KCTD18: variants seen among roughly 807,000 people sequenced by gnomAD.
KCTD18 encodes BTB/POZ domain-containing protein KCTD18.
KCTD18 carries 22 observed loss-of-function variants against 30.4 expected under a neutral mutation model. The ratio of observed to expected loss-of-function variants is 0.72; its 90% CI spans 0.52 to 1.03. The LOEUF (loss-of-function observed/expected upper bound fraction) is 1.03, where lower values mean the gene tolerates loss of function less well. Among genes scored for constraint, KCTD18 ranks in the 50% least tolerant of loss-of-function variants. The pLI, the probability that KCTD18 is intolerant of heterozygous loss-of-function variation, is 0.00. For synonymous variants in KCTD18, 186 were observed against 209.0 expected, an observed-to-expected ratio of 0.89 and a Z score of 0.95; for missense variants, 529 against 547.6, an observed-to-expected ratio of 0.97 and a Z score of 0.34.
intron 3 of KCTD18, among the ~76,000 whole-genome samples, chr2:200,500,585 G>A (rs963762317): frequency 2.0e-5 from 3 of 150,100 alleles, no homozygotes. Context: ...GGATGTGAAG[G>A]ACCTCTTCAA....
intron 3 of KCTD18, among the ~76,000 whole-genome samples, chr2:200,502,678 A>G (rs1157433666): frequency 1.3e-5 from 2 of 152,182 alleles, no homozygotes; most frequent in Non-Finnish European, 2.9e-5. Flanking sequence ...CAGTCCTCCC[A>G]GAGTTTATAG....
chr2:200,500,298 A>G (rs1474782674), intron 3 of KCTD18, among the ~76,000 whole-genome samples: 2 of 148,884 alleles, frequency 1.3e-5, no homozygotes, highest in East Asian at 2.0e-4. Context: ...AGGCAGGAGA[A>G]GGAAATAAAG....
intron 6 of KCTD18, among the ~76,000 whole-genome samples, chr2:200,492,136 A>G (rs2087929187): frequency 6.6e-6 from 1 of 152,166 alleles, no homozygotes; most frequent in Non-Finnish European, 1.5e-5. Context: ...TTTTCCATCT[A>G]CATCTTCCAC....
intron 3 of KCTD18, among the ~76,000 whole-genome samples, chr2:200,501,271 C>A (rs2088080328): frequency 1.5e-5 from 2 of 131,082 alleles, no homozygotes; most frequent in Non-Finnish European, 1.7e-5. Context: ...CAACAAAAGC[C>A]AAAATTGACA....
Position 200,494,232 on chromosome 2 carries a change from C to T in KCTD18, c.662-958G>A, listed in dbSNP as rs916172648. 3.3e-5 allele frequency among the ~76,000 whole-genome samples: 5 copies of T among 152,140 alleles called. No homozygotes were observed. The East Asian group carries it at 5.8e-4, about 18-fold the overall frequency. On this transcript the variant is annotated intron_variant, in intron 5 of 6. Transcript: ENST00000359878. Reference sequence around the variant, plus strand: ...GGGAGACAGTGGAGTGGGGAGTGACCGCTTAGGGGTTCCTTTTGGGGTGAT... The same window carrying T: ...GGGAGACAGTGGAGTGGGGAGTGACTGCTTAGGGGTTCCTTTTGGGGTGAT...
chr2:200,491,667 C>T (rs114140606), intron 6 of KCTD18, among the ~76,000 whole-genome samples: 209 of 152,188 alleles, frequency 1.4e-3, no homozygotes, highest in African/African-American at 4.5e-3. Flanking sequence ...AAAAAGCCTA[C>T]GGGGGAACAT....
At chr2:200,495,160 T>C (rs891755043) in intron 5 of KCTD18, among the ~76,000 whole-genome samples, 5 of 152,324 alleles carry the variant, frequency 3.3e-5, no homozygotes, top group African/African-American at 9.6e-5. Flanking sequence ...CCAGGAATCA[T>C]TGGCTCAGGA....
At chr2:200,501,966 G>GA (rs1361186298) in intron 3 of KCTD18, among the ~76,000 whole-genome samples, 1 of 151,894 alleles carries the variant, frequency 6.6e-6, no homozygotes, top group Admixed American at 6.6e-5. Context: ...CATAAAAAAT[G>GA]ATGAGTTCAT....
Position 200,490,236 on chromosome 2 carries a change from G to A in KCTD18, c.1145C>T (p.Thr382Ile). Residue 382 changes from threonine (T) to isoleucine (I), a missense_variant, in exon 7 of 7, where the codon ACT becomes ATT. Physicochemically the swap from Thr to Ile is moderately conservative, Grantham distance 89. Coordinates refer to ENST00000359878, the MANE Select transcript of KCTD18 (RefSeq NM_152387.4). ...TPQRVIKLKR[T>I]PLCATAPCLP... ...GCAAGGCGCGGTGGCGCACAGCGGA[G>A]TCCTCTTCAGCTTTATCACCCGCTG... 1 of 1,614,244 alleles carries A rather than the reference G, an allele frequency of 6.2e-7. No individual in the cohort carries two copies. Among genetic ancestry groups the A allele is most frequent in the Non-Finnish European group, 8.5e-7 (1 of 1,180,030 alleles).
Position 200,493,269 on chromosome 2 carries a change from T to C in KCTD18, c.667A>G (p.Ser223Gly). 1.3e-6 allele frequency: 2 copies of C among 1,589,640 alleles called. No homozygotes were observed. Among genetic ancestry groups the C allele is most frequent in the East Asian group, 4.5e-5 (2 of 44,784 alleles). ...AFDAWEGKGVSYWRVPHELIE... is the reference protein window; with the variant it reads ...AFDAWEGKGVGYWRVPHELIE... ...AGCTCATGAGGCACCCGCCAGTAGC[T>C]AACACCTGGAAGGTAAAAAGACATA... Residue 223 changes from serine to glycine, a missense_variant, in exon 6 of 7, where the codon AGC becomes GGC. Transcript: ENST00000359878.
Position 200,502,569 on chromosome 2 carries a change from T to C in KCTD18, c.372+2179A>G, listed in dbSNP as rs537789785. Among the ~76,000 whole-genome samples, 15 of 152,366 alleles carry C rather than the reference T, an allele frequency of 9.8e-5. No individual in the cohort carries two copies. In the South Asian group the frequency reaches 1.0e-3, roughly 11 times the overall value. On this transcript the variant is annotated intron_variant, in intron 3 of 6. Transcript: ENST00000359878. ...GCTGCCTGAACTCATTTGGCACTTA[T>C]CAACCTATTCATTCATTCATTTGAA...
chr2:200,504,847 C>G lies in KCTD18; in HGVS notation c.273G>C (p.Glu91Asp). The change falls in exon 3 of 7, where the codon GAG becomes GAC. Residue 91 changes from glutamate (E) to aspartate (D), a missense_variant. Transcript: ENST00000359878. ...GATAAGGGATGCCAAAGTAATCAGC[C>G]TCTTCCTGTAGGGCGATGCGGGTTT... Reference protein sequence around the residue: ...DEQTRIALQEEADYFGIPYPY... With the variant: ...DEQTRIALQEDADYFGIPYPY... 1 of 1,614,174 alleles carries G rather than the reference C, an allele frequency of 6.2e-7. No individual in the cohort carries two copies. Among genetic ancestry groups the G allele is most frequent in the Non-Finnish European group, 8.5e-7 (1 of 1,180,010 alleles).
intron 5 of KCTD18, among the ~76,000 whole-genome samples, chr2:200,493,887 G>A (rs903279304): frequency 1.4e-4 from 21 of 152,074 alleles, no homozygotes; most frequent in African/African-American, 5.1e-4. Context: ...ATCAAATCAG[G>A]GGAACTTTGT....
In KCTD18 at chr2:200,489,803, A is replaced by C; in HGVS notation, c.*297T>G. 2 of 344,010 alleles carry C rather than the reference A, an allele frequency of 5.8e-6. No individual in the cohort carries two copies. The highest frequency in any genetic ancestry group is 4.9e-5 in the East Asian group (1 of 20,394). 21.3% of individuals were successfully genotyped at this position (344,010 alleles called of 1,614,324 possible). A position where few individuals can be genotyped will look rare whatever the true frequency, so the allele number is the denominator to read the frequency against. On this transcript the variant is annotated 3_prime_UTR_variant, in exon 7 of 7. Transcript: ENST00000359878. ...AGCAACAAAGTGGACCTCTCTAGAG[A>C]TTATTTGTTGTACTGTCTTGTTGCC...
intron 6 of KCTD18, 141 bp downstream of exon 6, chr2:200,493,031 T>C (rs189563431): frequency 7.2e-5 from 43 of 595,228 alleles, no homozygotes; most frequent in Admixed American, 3.6e-4. Context: ...ATCTATATTT[T>C]GATGGTAAGA....
chr2:200,502,753 G>A (rs111313239), intron 3 of KCTD18, among the ~76,000 whole-genome samples: 3,312 of 151,894 alleles, frequency 0.022, 121 homozygotes, highest in African/African-American at 0.075. Flanking sequence ...CACCAGGACC[G>A]GGTGCAGGGG....
Position 200,489,815 on chromosome 2 carries a change from A to G in KCTD18, c.*285T>C, listed in dbSNP as rs2087876897. 1 of 380,304 alleles carries G rather than the reference A, an allele frequency of 2.6e-6. No individual in the cohort carries two copies. Among genetic ancestry groups the G allele is most frequent in the Non-Finnish European group, 4.7e-6 (1 of 213,126 alleles). 23.6% of individuals were successfully genotyped at this position (380,304 alleles called of 1,614,324 possible). The stretch of plus-strand genomic sequence containing the variant: ...GACCTCTCTAGAGATTATTTGTTGT[A>G]CTGTCTTGTTGCCTTAATACGAATT... On this transcript the variant is annotated 3_prime_UTR_variant, in exon 7 of 7. Coordinates refer to ENST00000359878, the MANE Select transcript of KCTD18 (RefSeq NM_152387.4).
chr2:200,490,552 T>C lies in KCTD18; in HGVS notation c.829A>G (p.Arg277Gly). ...VNYKTGPKPV[R>G]FLGPSTSTQI... is the part of the protein sequence containing the mutation. ...GTACTTGTGGAAGGGCCCAAAAATC[T>C]AACTGGCTTAGGACCAGTCTTATAG... The change falls in exon 7 of 7, where the codon AGA (arginine) becomes GGA (glycine). Residue 277 changes from arginine to glycine, a missense_variant. Physicochemically the swap from Arg to Gly is moderately radical, Grantham distance 125 (BLOSUM62 -2). Coordinates refer to ENST00000359878, the MANE Select transcript of KCTD18 (RefSeq NM_152387.4). 6.2e-7 allele frequency: 1 copy of C among 1,602,066 alleles called. No individual in the cohort carries two copies. Among genetic ancestry groups the C allele is most frequent in the Non-Finnish European group, 8.5e-7 (1 of 1,179,960 alleles).
Position 200,506,925 on chromosome 2 carries a change from C to T in KCTD18, c.92G>A (p.Cys31Tyr), listed in dbSNP as rs765163919. Residue 31 changes from cysteine (C) to tyrosine (Y), a missense_variant, in exon 2 of 7, where the codon TGC becomes TAC. Transcript: ENST00000359878. ...CIYTARRESL[C>Y]RFKDSMLASM... ...TGCCAACATGGAGTCCTTGAAGCGG[C>T]ACAAGGACTCCCGCCGGGCTGTGTA... 2.5e-6 allele frequency: 4 copies of T among 1,613,776 alleles called. No homozygotes were observed. The South Asian group carries it at 4.4e-5, about 18-fold the overall frequency.
Sources: allele counts gnomAD v4.1 joint callset (sites outside exome capture counted in the v4.1 genomes callset), GRCh38; gene constraint gnomAD v4.1.1; transcripts MANE v1.5; gene names NCBI Gene and HGNC (gene_info 2026-07-23, HGNC 2026-07-21).